SFXN5: variants seen among roughly 807,000 people sequenced by gnomAD.
The protein encoded by SFXN5 is sideroflexin-5.
In SFXN5, 43 loss-of-function variants were observed where a neutral mutation model predicts 50.2. The observed-to-expected ratio is 0.86, with a 90% CI of 0.67 to 1.11. SFXN5 has a LOEUF of 1.11. Ranked by LOEUF, SFXN5 falls within the 50% of genes least tolerant of loss-of-function variation. The pLI is 0.00. For synonymous variants in SFXN5, 203 were observed against 185.8 expected (o/e 1.09, Z -0.75); for missense variants, 463 against 454.1 (o/e 1.02, Z -0.18).
At chr2:72,948,758 G>T (rs1352575049) in intron 13 of SFXN5, among the ~76,000 whole-genome samples, 2 of 152,228 alleles carry the variant, frequency 1.3e-5, no homozygotes, top group South Asian at 2.1e-4. Flanking sequence ...GGCTCCTGGG[G>T]GAGGTGGCTG....
chr2:73,056,531 CA>C, intron 2 of SFXN5, among the ~76,000 whole-genome samples: 1 of 151,452 alleles, frequency 6.6e-6, no homozygotes, highest in East Asian at 2.0e-4. Context: ...ACTAAAAATA[CA>C]AAATTAGCCG....
chr2:73,055,305 A>T (rs1681941920), intron 2 of SFXN5, among the ~76,000 whole-genome samples: 1 of 152,236 alleles, frequency 6.6e-6, no homozygotes, highest in African/African-American at 2.4e-5. Context: ...GGGTCTGGAG[A>T]CAAGGGTCCC....
chr2:72,970,734 C>A (rs1427543739), intron 11 of SFXN5, among the ~76,000 whole-genome samples: 11 of 151,900 alleles, frequency 7.2e-5, no homozygotes, highest in African/African-American at 2.4e-4. Context: ...TTCACCCAGG[C>A]TGGAGTGCAG....
chr2:72,998,041 G>A (rs888435941), intron 9 of SFXN5: 17 of 152,346 alleles, frequency 1.1e-4, no homozygotes, highest in African/African-American at 4.1e-4. Flanking sequence ...GACTACAGGT[G>A]TGCCCCACTG....
Position 72,988,266 on chromosome 2 carries a change from G to C in SFXN5, c.617C>G (p.Pro206Arg), listed in dbSNP as rs978469058. 13 of 1,613,694 alleles carry C rather than the reference G, an allele frequency of 8.1e-6. No homozygotes were observed. Among genetic ancestry groups the C allele is most frequent in the South Asian group, 1.1e-5 (1 of 91,046 alleles). Residue 206 changes from proline to arginine, a missense_variant, in exon 10 of 14, where the codon CCT (proline) becomes CGT (arginine). Pro to Arg is a moderately radical substitution (Grantham distance 103, BLOSUM62 -2). Coordinates refer to ENST00000272433, the MANE Select transcript of SFXN5 (RefSeq NM_144579.3). ...TGGTGTGCAGGTCTTACCTACAGCAGGGAACGGCACAAACCTCTGGATGAG... is the reference window on the plus strand; with the variant it reads ...TGGTGTGCAGGTCTTACCTACAGCACGGAACGGCACAAACCTCTGGATGAG... ...RLLIQRFVPF[P>R]AVASANICNV...
At chr2:73,041,462 C>T (rs554484628) in intron 2 of SFXN5, 3 of 190,422 alleles carry the variant, frequency 1.6e-5, no homozygotes, top group Admixed American at 5.5e-5. Context: ...GAGGCTGAGG[C>T]GGGAAGATCA....
intron 6 of SFXN5, among the ~76,000 whole-genome samples, chr2:73,013,106 G>A (rs533888879): frequency 2.6e-5 from 4 of 152,198 alleles, no homozygotes; most frequent in Admixed American, 6.5e-5. Context: ...TTGACAGCTG[G>A]GATATGCAGT....
At chr2:73,061,230 C>T (rs1025605421) in intron 1 of SFXN5, among the ~76,000 whole-genome samples, 17 of 151,396 alleles carry the variant, frequency 1.1e-4, no homozygotes, top group African/African-American at 3.9e-4. Flanking sequence ...ATCGCTTGAA[C>T]CTAGGAGGTG....
In SFXN5 at chr2:72,945,129, G is replaced by T; in HGVS notation, c.946-30C>A. The T allele has an allele frequency of 6.2e-7, 1 of 1,604,852 alleles. No individual in the cohort carries two copies. On this transcript the variant is annotated intron_variant, in intron 13 of 13. Coordinates refer to ENST00000272433, the MANE Select transcript of SFXN5 (RefSeq NM_144579.3). The surrounding 1 kb of genome is among the most constrained non-coding windows in gnomAD (Gnocchi z 5.8). The stretch of plus-strand genomic sequence containing the variant: ...GGAGAGAGAACAGAGAGGAAAAGTG[G>T]GGGAGTGGGAAGGGGCAAATAGTGG...
intron 9 of SFXN5, among the ~76,000 whole-genome samples, chr2:72,995,395 C>T (rs1673098568): frequency 6.6e-6 from 1 of 152,246 alleles, no homozygotes; most frequent in African/African-American, 2.4e-5. Context: ...CAAGAGGCTG[C>T]TAATCCCACC....
In SFXN5 at chr2:72,960,587, C is replaced by A. The variant is rs1673609298; in HGVS notation, c.945+544G>T. On this transcript the variant is annotated intron_variant, in intron 13 of 13. Transcript: ENST00000272433. The surrounding 1 kb of genome is among the most constrained non-coding windows in gnomAD (Gnocchi z 6.1). ...AATCAGGCATCTGTGGTCTGCCCTG[C>A]ACAGCCCTTAGGAGGACATTCACCC... 6.6e-6 allele frequency among the ~76,000 whole-genome samples: 1 copy of A among 152,148 alleles called. No homozygotes were observed. Among genetic ancestry groups the A allele is most frequent in the African/African-American group, 2.4e-5 (1 of 41,424 alleles).
chr2:73,060,800 AG>A (rs1215764780), intron 1 of SFXN5, among the ~76,000 whole-genome samples: 1 of 150,762 alleles, frequency 6.6e-6, no homozygotes, highest in East Asian at 2.0e-4. Flanking sequence ...CTCCCGAGTT[AG>A]CAATTCTCCT....
rs971644888 is a variant in SFXN5, at chr2:73,059,561, G to A, written c.103-965C>T. 3.0e-6 allele frequency: 3 copies of A among 985,104 alleles called. No individual in the cohort carries two copies. In the African/African-American group the frequency reaches 5.3e-5, roughly 17 times the overall value. The allele number at this position is 985,104 out of a possible 1,614,324, so 61.0% of individuals were successfully genotyped here. On this transcript the variant is annotated intron_variant, in intron 1 of 13. Coordinates refer to ENST00000272433, the MANE Select transcript of SFXN5 (RefSeq NM_144579.3). ...AATAAGGACCCTGCAATAGGCTCCA[G>A]GTCACCTCAAAGTCCCCCCACACAC...
At chr2:72,990,164 C>T (rs1011703392) in intron 9 of SFXN5, among the ~76,000 whole-genome samples, 19 of 152,242 alleles carry the variant, frequency 1.2e-4, no homozygotes, top group African/African-American at 2.7e-4. Flanking sequence ...CGCAGCATTC[C>T]GTGGAGCCAG....
At position 73,060,856 on chromosome 2, in the gene SFXN5, C is replaced by T. The variant is rs113835804; in HGVS notation, c.103-2260G>A. Among the ~76,000 whole-genome samples the T allele has an allele frequency of 3.7e-3, 567 of 152,114 alleles. 5 individuals are homozygous for T. Among genetic ancestry groups the T allele is most frequent in the African/African-American group, 0.013 (536 of 41,508 alleles). ...CTGTGACTACAGGCCAGTGACACCACGCCCGGCTTATTTTTTTTGTATTTT... is the reference window on the plus strand; with the variant it reads ...CTGTGACTACAGGCCAGTGACACCATGCCCGGCTTATTTTTTTTGTATTTT... On this transcript the variant is annotated intron_variant, in intron 1 of 13. Transcript: ENST00000272433.
chr2:72,955,462 G>A (rs1289113981), intron 13 of SFXN5, among the ~76,000 whole-genome samples: 1 of 152,250 alleles, frequency 6.6e-6, no homozygotes, highest in Non-Finnish European at 1.5e-5. Flanking sequence ...GAGGAAAAGA[G>A]AGGGGACTGC....
Position 72,961,063 on chromosome 2 carries a change from G to T in SFXN5, c.945+68C>A. Reference sequence around the variant, plus strand: ...GCGCTAAGGAGTCGGCACGGTATGAGTATTTGTTCAGAAATCACCAAACAG... The same window carrying T: ...GCGCTAAGGAGTCGGCACGGTATGATTATTTGTTCAGAAATCACCAAACAG... On this transcript the variant is annotated intron_variant, in intron 13 of 13. Coordinates refer to ENST00000272433, the MANE Select transcript of SFXN5 (RefSeq NM_144579.3). The surrounding 1 kb of genome is among the most constrained non-coding windows in gnomAD (Gnocchi z 4.4). 8.7e-6 allele frequency: 10 copies of T among 1,149,038 alleles called. No homozygotes were observed. The highest frequency in any genetic ancestry group is 1.2e-5 in the Non-Finnish European group (10 of 831,540). 71.2% of individuals were successfully genotyped at this position (1,149,038 alleles called of 1,614,324 possible).
At chr2:72,984,238 T>C (rs1671636225) in intron 10 of SFXN5, among the ~76,000 whole-genome samples, 1 of 152,230 alleles carries the variant, frequency 6.6e-6, no homozygotes, top group African/African-American at 2.4e-5. Flanking sequence ...GGACACAGCA[T>C]GGCCCTGAAA....
chr2:72,952,157 C>G (rs1672603692), intron 13 of SFXN5, among the ~76,000 whole-genome samples: 1 of 152,236 alleles, frequency 6.6e-6, no homozygotes, highest in Non-Finnish European at 1.5e-5. Context: ...CTGGACACTC[C>G]AGGCCTTCTG....
Sources: gnomAD v4.1 joint callset for allele counts (sites outside exome capture counted in the v4.1 genomes callset) on GRCh38, gnomAD v4.1.1 for gene constraint, Gnocchi (gnomAD v3.1) non-coding constraint, MANE v1.5 for transcripts, NCBI Gene and HGNC (gene_info 2026-07-23, HGNC 2026-07-21) for gene names.